Variants in PPIG observed in about 807,000 individuals in gnomAD.
The protein encoded by PPIG is peptidyl-prolyl cis-trans isomerase G.
Under a neutral mutation model 87.9 loss-of-function variants are expected in PPIG, and 26 were observed. The ratio of observed to expected loss-of-function variants is 0.30; its 90% CI spans 0.22 to 0.41. PPIG has a LOEUF of 0.41. Ranked by LOEUF, PPIG falls within the 10% of genes least tolerant of loss-of-function variation. The pLI is 1.00. For missense variants in PPIG, 722 were observed against 879.4 expected, an observed-to-expected ratio of 0.82 and a Z score of 2.26; for synonymous variants, 308 against 276.5, an observed-to-expected ratio of 1.11 and a Z score of -1.13.
At chr2:169,592,584 G>A (rs1036529013) in intron 1 of PPIG, among the ~76,000 whole-genome samples, 21 of 152,138 alleles carry the variant, frequency 1.4e-4, no homozygotes, top group South Asian at 4.1e-4. Flanking sequence ...GATTATAGGC[G>A]TGAGCCACCG....
chr2:169,614,443 C>T, intron 7 of PPIG, 21 bp from the exon 8 acceptor site: 1 of 1,532,820 alleles, frequency 6.5e-7, no homozygotes, highest in African/African-American at 1.4e-5. Context: ...TTTTATTCTT[C>T]TATCTGATGA....
At chr2:169,592,030 G>T (rs1684879046) in intron 1 of PPIG, among the ~76,000 whole-genome samples, 1 of 133,972 alleles carries the variant, frequency 7.5e-6, no homozygotes, top group Non-Finnish European at 1.5e-5. Flanking sequence ...GGGCTCAAAT[G>T]ATCCTCCCAC....
chr2:169,586,607 A>G (rs1438155014), intron 1 of PPIG, among the ~76,000 whole-genome samples: 2 of 152,050 alleles, frequency 1.3e-5, no homozygotes, highest in African/African-American at 4.8e-5. Context: ...CATATTTTTG[A>G]TATTTTGCCT....
At position 169,592,459 on chromosome 2, in the gene PPIG, C is replaced by T. The variant is rs1265988076; in HGVS notation, c.-70+7969C>T. On this transcript the variant is annotated intron_variant, in intron 1 of 13. Coordinates refer to ENST00000260970, the MANE Select transcript of PPIG (RefSeq NM_004792.3). ...AGCTGGGACTACAGGCGCCCACCAC[C>T]ACGCCCAACTAATTTTTTGTATTTT... Among the ~76,000 whole-genome samples, 8 of 152,038 alleles carry T rather than the reference C, an allele frequency of 5.3e-5. No homozygotes were observed. The East Asian group carries it at 1.4e-3, about 26-fold the overall frequency.
intron 1 of PPIG, among the ~76,000 whole-genome samples, chr2:169,598,244 C>G (rs1322674686): frequency 1.3e-5 from 2 of 152,100 alleles, no homozygotes; most frequent in African/African-American, 4.8e-5. Context: ...AGCAATCCAC[C>G]TGTCTCAGCC....
rs1415800595 is a variant in PPIG at position 169,637,365 on chromosome 2, T to G, written c.2107T>G (p.Ser703Ala). ...AAGCAGTCAGGACAATGAATTAAAGTCCTCCATGTTGAAAAATAAGGAGGA... is the reference window on the plus strand; with the variant it reads ...AAGCAGTCAGGACAATGAATTAAAGGCCTCCATGTTGAAAAATAAGGAGGA... The part of the protein sequence containing the change: ...KQSSQDNELK[S>A]SMLKNKEDEK... The change falls in exon 14 of 14, where the codon TCC becomes GCC. Residue 703 changes from serine (S) to alanine (A), a missense_variant. Coordinates refer to ENST00000260970, the MANE Select transcript of PPIG (RefSeq NM_004792.3). The G allele has an allele frequency of 6.2e-7, 1 of 1,611,054 alleles. No individual in the cohort carries two copies.
chr2:169,624,838 C>T (rs1290843748), intron 9 of PPIG, among the ~76,000 whole-genome samples: 1 of 152,160 alleles, frequency 6.6e-6, no homozygotes, highest in Non-Finnish European at 1.5e-5. Context: ...GATCCGCCCA[C>T]CTCGGCCTCC....
chr2:169,624,828 G>A (rs1025966425), intron 9 of PPIG, among the ~76,000 whole-genome samples: 2 of 152,144 alleles, frequency 1.3e-5, no homozygotes, highest in Non-Finnish European at 2.9e-5. Flanking sequence ...CTGACTTCGT[G>A]ATCCGCCCAC....
intron 12 of PPIG, among the ~76,000 whole-genome samples, chr2:169,635,042 C>A (rs186802397): frequency 1.4e-5 from 2 of 140,960 alleles, no homozygotes; most frequent in East Asian, 4.0e-4. Flanking sequence ...CTGAATAACA[C>A]TATTGTATGA....
At chr2:169,621,100 G>A (rs1186843226) in intron 9 of PPIG, among the ~76,000 whole-genome samples, 2 of 151,950 alleles carry the variant, frequency 1.3e-5, no homozygotes, top group Non-Finnish European at 2.9e-5. Context: ...AACTTTTTCT[G>A]TTATATGTTA....
chr2:169,605,432 G>A (rs973678477), intron 4 of PPIG, among the ~76,000 whole-genome samples: 9 of 152,226 alleles, frequency 5.9e-5, no homozygotes, highest in African/African-American at 1.9e-4. Context: ...GAGCCCAGGA[G>A]GCGGAGGTGG....
intron 7 of PPIG, among the ~76,000 whole-genome samples, 185 bp from the exon 8 acceptor site, chr2:169,614,279 T>C (rs1437400373): frequency 6.6e-6 from 1 of 152,224 alleles, no homozygotes; most frequent in African/African-American, 2.4e-5. Context: ...AAATACATTA[T>C]GTGGAAAGCA....
At chr2:169,589,884 C>T (rs962804863) in intron 1 of PPIG, among the ~76,000 whole-genome samples, 4 of 152,036 alleles carry the variant, frequency 2.6e-5, no homozygotes, top group African/African-American at 7.2e-5. Context: ...CTGAGGCAGG[C>T]GGATCACCTG....
At chr2:169,632,768 C>T (rs1003397244) in intron 11 of PPIG, among the ~76,000 whole-genome samples, 6 of 109,420 alleles carry the variant, frequency 5.5e-5, no homozygotes, top group Non-Finnish European at 9.8e-5. Flanking sequence ...ATAATAATAA[C>T]TATGTCCAAA....
chr2:169,612,204 CAG>C (rs1206520126), intron 7 of PPIG, among the ~76,000 whole-genome samples: 1 of 152,072 alleles, frequency 6.6e-6, no homozygotes, highest in Non-Finnish European at 1.5e-5. Flanking sequence ...TTCATTGTTG[CAG>C]AGACTCTGTA....
At chr2:169,630,268 A>G (rs1686008459) in intron 9 of PPIG, among the ~76,000 whole-genome samples, 1 of 151,962 alleles carries the variant, frequency 6.6e-6, no homozygotes, top group South Asian at 2.1e-4. Flanking sequence ...TCCCTCTGTT[A>G]TGAGTCTCCT....
chr2:169,619,245 G>A (rs1685680943), intron 9 of PPIG, among the ~76,000 whole-genome samples: 1 of 152,052 alleles, frequency 6.6e-6, no homozygotes, highest in Admixed American at 6.6e-5. Flanking sequence ...TTGACTGTTA[G>A]GATTTCCATT....
At chr2:169,600,004 A>G (rs1685133245) in intron 1 of PPIG, among the ~76,000 whole-genome samples, 1 of 152,058 alleles carries the variant, frequency 6.6e-6, no homozygotes, top group Non-Finnish European at 1.5e-5. Context: ...TCCAGGGTTC[A>G]GGTAAATATT....
intron 10 of PPIG, among the ~76,000 whole-genome samples, 159 bp downstream of exon 10, chr2:169,631,146 G>A (rs949617432): frequency 3.9e-5 from 6 of 152,008 alleles, no homozygotes; most frequent in Non-Finnish European, 7.4e-5. Context: ...ATTAAATTTT[G>A]GGTACGTTCA....
Sources: gnomAD v4.1 joint callset for allele counts (sites outside exome capture counted in the v4.1 genomes callset) on GRCh38, gnomAD v4.1.1 for gene constraint, MANE v1.5 for transcripts, NCBI Gene and HGNC (gene_info 2026-07-23, HGNC 2026-07-21) for gene names.